The following PARVB variants were observed in gnomAD, a reference collection of about 807,000 sequenced individuals.
PARVB encodes parvin beta, also known as beta-parvin.
A neutral mutation model predicts 47.0 loss-of-function variants in PARVB; 46 were observed. That is an observed-to-expected ratio of 0.98 (90% confidence interval 0.77 to 1.25). The LOEUF (loss-of-function observed/expected upper bound fraction) is 1.25, where lower values mean the gene tolerates loss of function less well. Among genes scored for constraint, PARVB ranks in the 50% most tolerant of loss-of-function variants. The pLI, the probability that PARVB is intolerant of heterozygous loss-of-function variation, is 0.00. For missense variants in PARVB, 473 were observed against 471.6 expected (o/e 1.00, Z -0.03); for synonymous variants, 196 against 196.3 (o/e 1.00, Z 0.01).
Position 44,125,035 on chromosome 22 carries a change from C to A in PARVB, c.376+5895C>A, listed in dbSNP as rs2053157186. On this transcript the variant is annotated intron_variant, in intron 4 of 12. Transcript: ENST00000338758. This position sits in a 1 kb window ranked among gnomAD's most constrained non-coding sequence, Gnocchi z 4.1. ...TTACAGACCAGCTCTTGGAGGGAAA[C>A]CTCCTAGGCTTGTGACAGGTGGTGG... Among the ~76,000 whole-genome samples, 1 of 151,684 alleles carries A rather than the reference C, an allele frequency of 6.6e-6. No homozygotes were observed. The highest frequency in any genetic ancestry group is 6.6e-5 in the Admixed American group (1 of 15,234).
intron 2 of PARVB, among the ~76,000 whole-genome samples, chr22:44,008,538 G>C (rs1269757829): frequency 6.6e-6 from 1 of 152,128 alleles, no homozygotes; most frequent in African/African-American, 2.4e-5. Context: ...ATACCATTTA[G>C]TTATAGAAAA....
At chr22:44,080,220 A>C (rs2051869756) in intron 1 of PARVB, among the ~76,000 whole-genome samples, 1 of 152,174 alleles carries the variant, frequency 6.6e-6, no homozygotes, top group African/African-American at 2.4e-5. Context: ...GGCTCTCTTG[A>C]GGCTGTTAAT....
rs528294877 is a variant in PARVB, at chr22:44,074,903, C to G, written c.113-19025C>G. ...GGTGAGGAAGCAGAGGACGGAGGAG[C>G]CCAGTGGGCTCTGGGAGCTCCTGGG... On this transcript the variant is annotated intron_variant, in intron 1 of 12. Coordinates refer to ENST00000338758, the MANE Select transcript of PARVB (RefSeq NM_013327.5). Among the ~76,000 whole-genome samples, 343 of 152,252 alleles carry G rather than the reference C, an allele frequency of 2.3e-3. 2 individuals are homozygous for G. The highest frequency in any genetic ancestry group is 2.6e-3 in the Non-Finnish European group (178 of 67,988).
intron 11 of PARVB, among the ~76,000 whole-genome samples, chr22:44,163,296 C>T (rs2054092430): frequency 6.6e-6 from 1 of 151,976 alleles, no homozygotes; most frequent in Admixed American, 6.6e-5. Flanking sequence ...ATGGCAAAAC[C>T]CGTCTCTAAA....
chr22:44,017,052 T>C (rs1043906895), intron 2 of PARVB, among the ~76,000 whole-genome samples: 1 of 152,002 alleles, frequency 6.6e-6, no homozygotes, highest in Non-Finnish European at 1.5e-5. Flanking sequence ...ATTTTGTATT[T>C]TTAGTAGAGA....
chr22:44,020,176 CTTT>C (rs60438723), upstream of PARVB, among the ~76,000 whole-genome samples: 10 of 136,134 alleles, frequency 7.3e-5, no homozygotes, highest in Admixed American at 7.4e-5. Context: ...ACAGTCACCA[CTTT>C]TTTTTTTTTT....
intron 1 of PARVB, among the ~76,000 whole-genome samples, chr22:44,073,940 G>T (rs945836655): frequency 6.6e-6 from 1 of 152,252 alleles, no homozygotes; most frequent in Admixed American, 6.5e-5. Flanking sequence ...GTGTGATTAT[G>T]GTGTGTATTT....
intron 2 of PARVB, among the ~76,000 whole-genome samples, chr22:44,096,109 C>T (rs1420349238): frequency 1.3e-5 from 2 of 152,196 alleles, no homozygotes; most frequent in African/African-American, 4.8e-5. Context: ...CCTGAAATCC[C>T]CGCTACCTGG....
intron 1 of PARVB, among the ~76,000 whole-genome samples, chr22:44,055,672 C>CTA (rs1182742364): frequency 2.2e-5 from 3 of 138,942 alleles, no homozygotes; most frequent in Admixed American, 7.4e-5. Context: ...CTCTCTCTCT[C>CTA]TCTCTCTATA....
At chr22:44,038,761 G>A (rs2050965684) in intron 1 of PARVB, among the ~76,000 whole-genome samples, 1 of 152,044 alleles carries the variant, frequency 6.6e-6, no homozygotes, top group African/African-American at 2.4e-5. Context: ...CAGCCTGGGC[G>A]ACAGAGTGAG....
chr22:44,165,141 ACCACCATGC>A (rs1259259126), intron 12 of PARVB, among the ~76,000 whole-genome samples: 2 of 152,098 alleles, frequency 1.3e-5, no homozygotes, highest in African/African-American at 2.4e-5. Context: ...TAAGGCGCAT[ACCACCATGC>A]CCGGCTAATG....
chr22:44,093,562 A>G (rs938217664), intron 1 of PARVB, among the ~76,000 whole-genome samples: 1 of 151,696 alleles, frequency 6.6e-6, no homozygotes, highest in East Asian at 1.9e-4. Context: ...AGGCAGCCCC[A>G]CTCTCTCATG....
chr22:44,088,224 C>T (rs1282149194), intron 1 of PARVB, among the ~76,000 whole-genome samples: 1 of 152,098 alleles, frequency 6.6e-6, no homozygotes. Flanking sequence ...TGGGTTGGCA[C>T]TGGCAGGAAG....
intron 1 of PARVB, among the ~76,000 whole-genome samples, chr22:44,087,212 G>A (rs893828599): frequency 1.3e-5 from 2 of 152,184 alleles, no homozygotes; most frequent in East Asian, 1.9e-4. Context: ...TGGTTCAGAC[G>A]GGGCCCTCTG....
chr22:44,019,252 C>T (rs1302810735), intron 2 of PARVB, among the ~76,000 whole-genome samples: 1 of 144,914 alleles, frequency 6.9e-6, no homozygotes, highest in Non-Finnish European at 1.5e-5. Flanking sequence ...TGGAGTCTTT[C>T]TCTGTTGCCC....
At chr22:44,080,342 G>A (rs2051872440) in intron 1 of PARVB, among the ~76,000 whole-genome samples, 1 of 152,178 alleles carries the variant, frequency 6.6e-6, no homozygotes, top group Non-Finnish European at 1.5e-5. Context: ...GTGGCAGCAG[G>A]GCCGGTTCCT....
intron 1 of PARVB, among the ~76,000 whole-genome samples, chr22:44,031,927 T>A (rs931837729): frequency 1.3e-5 from 2 of 152,116 alleles, no homozygotes; most frequent in African/African-American, 4.8e-5. Context: ...AGACATACCC[T>A]ATGAAAATGT....
chr22:44,059,856 G>A (rs1197080169), intron 1 of PARVB, among the ~76,000 whole-genome samples: 1 of 152,158 alleles, frequency 6.6e-6, no homozygotes, highest in Non-Finnish European at 1.5e-5. Flanking sequence ...CGTCTTTGGC[G>A]GGGCGTGTTT....
In PARVB at chr22:44,068,114, G is replaced by GA. The variant is rs130309; in HGVS notation, c.113-25813dup. 1 allele frequency among the ~76,000 whole-genome samples: 152,284 copies of GA among 152,288 alleles called. 76,140 individuals are homozygous for GA. Among genetic ancestry groups the GA allele is most frequent in the Non-Finnish European group, 1 (68,018 of 68,018 alleles). On this transcript the variant is annotated intron_variant, in intron 1 of 12. Coordinates refer to ENST00000338758, the MANE Select transcript of PARVB (RefSeq NM_013327.5). This position sits in a 1 kb window ranked among gnomAD's most constrained non-coding sequence, Gnocchi z 4.1. ...CCGCTTCCTGCTTCAGCAGAACTGG[G>GA]ATTGTCAGTTAATCGAGCAACACCT... is the stretch of plus-strand genomic sequence containing the variant.
Sources: allele counts gnomAD v4.1 joint callset (sites outside exome capture counted in the v4.1 genomes callset), GRCh38; gene constraint gnomAD v4.1.1; non-coding constraint Gnocchi (gnomAD v3.1); transcripts MANE v1.5; gene names NCBI Gene and HGNC (gene_info 2026-07-23, HGNC 2026-07-21).